Variants in ARHGAP27 observed in about 807,000 individuals in gnomAD.
ARHGAP27 encodes rho GTPase-activating protein 27.
Under a neutral mutation model 102.0 loss-of-function variants are expected in ARHGAP27, and 53 were observed. The ratio of observed to expected loss-of-function variants is 0.52; its 90% CI spans 0.42 to 0.65. ARHGAP27 has a LOEUF of 0.65. ARHGAP27 is among the 30% of genes least tolerant of loss of function. ARHGAP27 has a pLI of 0.00. For missense variants in ARHGAP27, 1,117 were observed against 1,256.2 expected (o/e 0.89, Z 1.68); for synonymous variants, 525 against 542.8 (o/e 0.97, Z 0.46).
Position 45,396,506 on chromosome 17 carries a change from G to T in ARHGAP27, c.2154C>A (p.Ile718=). The part of the protein sequence containing the change: ...SRVPRFVQQC[I]RAVEARGLDI... ...ACGTACCGCGGGCCTCGACGGCGCG[G>T]ATGCACTGCTGCACGAAGCGTGGCA... The change falls in exon 16 of 20, where the codon ATC becomes ATA. Residue 718 remains isoleucine (I), a synonymous_variant. Coordinates refer to ENST00000685559, the MANE Select transcript of ARHGAP27 (RefSeq NM_001282290.2). 6.4e-7 allele frequency: 1 copy of T among 1,561,750 alleles called. No homozygotes were observed. Among genetic ancestry groups the T allele is most frequent in the Non-Finnish European group, 8.6e-7 (1 of 1,159,572 alleles).
intron 10 of ARHGAP27, 49 bp downstream of exon 10, chr17:45,403,980 C>T (rs768075634): frequency 1.7e-5 from 27 of 1,593,994 alleles, no homozygotes; most frequent in Admixed American, 3.4e-5. Flanking sequence ...CAGTGAACAT[C>T]GTCACCAAGG....
chr17:45,422,148 A>C (rs914106518), intron 4 of ARHGAP27, among the ~76,000 whole-genome samples: 3 of 152,156 alleles, frequency 2.0e-5, no homozygotes, highest in African/African-American at 7.2e-5. Flanking sequence ...CCTGAGTGAC[A>C]CAGCGAGACT....
chr17:45,416,842 C>T (rs546475142), intron 4 of ARHGAP27, among the ~76,000 whole-genome samples: 13 of 149,070 alleles, frequency 8.7e-5, no homozygotes, highest in Admixed American at 2.0e-4. Context: ...CCACCGCGCC[C>T]GGCCTGTATT....
In ARHGAP27 at chr17:45,396,689, G is replaced by T; in HGVS notation, c.2053C>A (p.Arg685=). 1 of 1,613,796 alleles carries T rather than the reference G, an allele frequency of 6.2e-7. No individual in the cohort carries two copies. The highest frequency in any genetic ancestry group is 8.5e-7 in the Non-Finnish European group (1 of 1,179,772). The change falls in exon 15 of 20, where the codon CGG becomes AGG. Residue 685 remains arginine (R), a synonymous_variant. Transcript: ENST00000685559. Reference sequence around the variant, plus strand: ...GTACCTTTGATGTAGCCCTTCTCCCGCAGCGACTGCAGTGTGGGCCGCCTC... The same window carrying T: ...GTACCTTTGATGTAGCCCTTCTCCCTCAGCGACTGCAGTGTGGGCCGCCTC... ...LQRRPTLQSL[R]EKGYIKDQVF...
chr17:45,418,737 G>A (rs1342162843), intron 4 of ARHGAP27, among the ~76,000 whole-genome samples: 1 of 152,106 alleles, frequency 6.6e-6, no homozygotes, highest in Non-Finnish European at 1.5e-5. Flanking sequence ...CTGTGTCTGA[G>A]GTGGAGGCTC....
rs1434570137 is a variant in ARHGAP27 at position 45,396,786 on chromosome 17, C to T, written c.1956G>A (p.Ala652=). 2 of 1,609,510 alleles carry T rather than the reference C, an allele frequency of 1.2e-6. No individual in the cohort carries two copies. The highest frequency in any genetic ancestry group is 1.7e-6 in the Non-Finnish European group (2 of 1,177,980). ...CCAGGCCCACGGGGCCCAGGGCGGG[C>T]GCGGCTGCCGCGGGGAAAGGCAGGA... ...KEEDARPNAA[A]PALGPVGLES... The change falls in exon 15 of 20, where the codon GCG becomes GCA. Residue 652 remains alanine, a synonymous_variant. Coordinates refer to ENST00000685559, the MANE Select transcript of ARHGAP27 (RefSeq NM_001282290.2).
intron 12 of ARHGAP27, among the ~76,000 whole-genome samples, chr17:45,398,742 AAAAAC>A (rs1308645116): frequency 2.6e-5 from 4 of 151,972 alleles, no homozygotes; most frequent in Non-Finnish European, 4.4e-5. Context: ...TCAAAAAAAA[AAAAAC>A]AAAACAAAAC....
chr17:45,424,088 C>A (rs2049307738), intron 4 of ARHGAP27, among the ~76,000 whole-genome samples: 2 of 152,186 alleles, frequency 1.3e-5, no homozygotes, highest in African/African-American at 4.8e-5. Flanking sequence ...GAGGCCTGGG[C>A]AGGGGCCCCT....
intron 12 of ARHGAP27, 37 bp from the exon 13 acceptor site, chr17:45,398,084 C>T (rs765146127): frequency 1.3e-5 from 20 of 1,557,218 alleles, no homozygotes; most frequent in African/African-American, 1.2e-4. Context: ...TCTCTGGTAC[C>T]CTGGGTCTGC....
intron 17 of ARHGAP27, 42 bp from the exon 18 acceptor site, chr17:45,396,159 C>A (rs1396569819): frequency 6.3e-7 from 1 of 1,594,364 alleles, no homozygotes; most frequent in Admixed American, 1.7e-5. Context: ...GAAATCAGTA[C>A]CCCTTGCGCC....
At chr17:45,403,760 G>C in intron 10 of ARHGAP27, 51 bp from the exon 11 acceptor site, 2 of 1,489,524 alleles carry the variant, frequency 1.3e-6, no homozygotes, top group Non-Finnish European at 1.9e-6. Flanking sequence ...TTGGTCCTGG[G>C]CTGAGGGCCC....
chr17:45,404,658 G>T lies in ARHGAP27; in HGVS notation c.1272C>A (p.His424Gln). The part of the protein sequence containing the change: ...QEQWVRLEDP[H>Q]GKPYFYNPED... The stretch of plus-strand genomic sequence containing the variant: ...CTGGATTGTAGAAGTATGGCTTCCC[G>T]TGGGGGTCCTCCAGCCTCACCCACT... The change falls in exon 7 of 20, where the codon CAC becomes CAA. Residue 424 changes from histidine (H) to glutamine (Q), a missense_variant. Transcript: ENST00000685559. 1.2e-6 allele frequency: 2 copies of T among 1,612,722 alleles called. No homozygotes were observed. The highest frequency in any genetic ancestry group is 2.2e-5 in the South Asian group (2 of 90,982).
At chr17:45,422,932 G>C (rs2049180403) in intron 4 of ARHGAP27, among the ~76,000 whole-genome samples, 1 of 152,178 alleles carries the variant, frequency 6.6e-6, no homozygotes, top group Non-Finnish European at 1.5e-5. Flanking sequence ...TGTAATCCCA[G>C]CACTTTGGGA....
chr17:45,400,914 A>C (rs1597778664), intron 12 of ARHGAP27, among the ~76,000 whole-genome samples: 1 of 148,002 alleles, frequency 6.8e-6, no homozygotes, highest in Admixed American at 6.8e-5. Context: ...GACTCTGGAT[A>C]ATAATCATAA....
Position 45,429,951 on chromosome 17 carries a change from G to C in ARHGAP27, c.329C>G (p.Pro110Arg), listed in dbSNP as rs1195247891. The C allele has an allele frequency of 8.8e-6, 10 of 1,131,150 alleles. No homozygotes were observed. The highest frequency in any genetic ancestry group is 1.1e-5 in the Non-Finnish European group (10 of 925,348). 70.1% of individuals were successfully genotyped at this position (1,131,150 alleles called of 1,614,324 possible). A position where few individuals can be genotyped will look rare whatever the true frequency, so the allele number is the denominator to read the frequency against. ...AAATAGPDGA[P>R]EESGGRASSL... ...GCTGGCTCGGCCTCCGGACTCCTCG[G>C]GGGCGCCGTCGGGGCCCGCGGTCGC... is the stretch of plus-strand genomic sequence containing the variant. Residue 110 changes from proline to arginine, a missense_variant, in exon 4 of 20, where the codon CCC becomes CGC. This residue lies in a region of ARHGAP27 where 610 missense variants were observed against 716.4 expected (regional missense o/e 0.85). Coordinates refer to ENST00000685559, the MANE Select transcript of ARHGAP27 (RefSeq NM_001282290.2).
intron 12 of ARHGAP27, among the ~76,000 whole-genome samples, chr17:45,400,589 C>T (rs55717415): frequency 0.025 from 3,776 of 152,272 alleles, 147 homozygotes; most frequent in African/African-American, 0.087. Context: ...ATACCTATCC[C>T]TCAAAGTCAG....
Position 45,405,092 on chromosome 17 carries a change from C to A in ARHGAP27, c.1080G>T (p.Glu360Asp). 6.3e-7 allele frequency: 1 copy of A among 1,586,102 alleles called. No homozygotes were observed. Among genetic ancestry groups the A allele is most frequent in the Non-Finnish European group, 8.6e-7 (1 of 1,164,018 alleles). Residue 360 changes from glutamate (E) to aspartate (D), a missense_variant, in exon 6 of 20, where the codon GAG becomes GAT. Physicochemically the swap from Glu to Asp is conservative, Grantham distance 45. This residue lies in a region of ARHGAP27 where 610 missense variants were observed against 716.4 expected (regional missense o/e 0.85). Transcript: ENST00000685559. ...SPGDPRPPTP[E>D]TDYPESLTSY... Reference sequence around the variant, plus strand: ...TGGTCAGCGACTCGGGGTAGTCCGTCTCGGGAGTGGGGGGCTGCGGGGAAC... The same window carrying A: ...TGGTCAGCGACTCGGGGTAGTCCGTATCGGGAGTGGGGGGCTGCGGGGAAC...
intron 12 of ARHGAP27, among the ~76,000 whole-genome samples, chr17:45,401,338 CTAAAAACAGAAACAAAAAA>C (rs1279344952): frequency 2.0e-5 from 3 of 152,270 alleles, no homozygotes; most frequent in South Asian, 2.1e-4. Context: ...GACCTTGTCT[CTAAAAACAGAAACAAAAAA>C]TAAAAACAAA....
rs1567700415 is a variant in ARHGAP27, at chr17:45,403,602, T to TG, written c.1638+16dup. ...AAAGCAGATGGGATGGTCCCTGCCCTGAGGGCCTGGCCTTACCAGGCCGCC... is the reference window on the plus strand; with the variant it reads ...AAAGCAGATGGGATGGTCCCTGCCCTGGAGGGCCTGGCCTTACCAGGCCGCC... On this transcript the variant is annotated intron_variant, in intron 11 of 19. Coordinates refer to ENST00000685559, the MANE Select transcript of ARHGAP27 (RefSeq NM_001282290.2). 6.3e-7 allele frequency: 1 copy of TG among 1,596,690 alleles called. No individual in the cohort carries two copies.
Sources: gnomAD v4.1 joint callset for allele counts (sites outside exome capture counted in the v4.1 genomes callset) on GRCh38, gnomAD v4.1.1 for gene constraint, gnomAD v4.1.1 regional missense constraint, MANE v1.5 for transcripts, NCBI Gene and HGNC (gene_info 2026-07-23, HGNC 2026-07-21) for gene names.